Variants in BCAS3 observed in about 807,000 individuals in gnomAD.
BCAS3 encodes BCAS3 microtubule associated cell migration factor, also known as BCAS4/BCAS3 fusion.
BCAS3 carries 53 observed loss-of-function variants against 116.1 expected under a neutral mutation model. The ratio of observed to expected loss-of-function variants is 0.46; its 90% CI spans 0.37 to 0.57. The LOEUF is 0.57. Among genes scored for constraint, BCAS3 ranks in the 20% least tolerant of loss-of-function variants. The pLI is 0.00. For missense variants in BCAS3, 917 were observed against 1,165.4 expected, an observed-to-expected ratio of 0.79 and a Z score of 3.10; for synonymous variants, 391 against 408.2, an observed-to-expected ratio of 0.96 and a Z score of 0.51.
At position 61,241,778 on chromosome 17, in the gene BCAS3, C is replaced by G. The variant is rs2047546497; in HGVS notation, c.2426-126549C>G. Among the ~76,000 whole-genome samples the G allele has an allele frequency of 6.6e-6, 1 of 151,758 alleles. No individual in the cohort carries two copies. ...AAATGAGTCTAAAAAATGTACTTAC[C>G]TATTTTTTCTCTACTAACATCATTT... On this transcript the variant is annotated intron_variant, in intron 22 of 23. Transcript: ENST00000407086. The surrounding 1 kb of genome is among the most constrained non-coding windows in gnomAD (Gnocchi z 4.6).
At position 61,388,384 on chromosome 17, in the gene BCAS3, G is replaced by C. The variant is rs1056571809; in HGVS notation, c.2594-3593G>C. The stretch of plus-strand genomic sequence containing the variant: ...CCTCTCCCCCTCCCCCACTCTGAAC[G>C]GGGTCTTGGCCCCCTCTGTCACAGC... On this transcript the variant is annotated intron_variant, in intron 23 of 23. Coordinates refer to ENST00000407086, the MANE Select transcript of BCAS3 (RefSeq NM_017679.5). The surrounding 1 kb of genome is among the most constrained non-coding windows in gnomAD (Gnocchi z 6.5). The C allele has an allele frequency of 8.9e-6, 4 of 449,208 alleles. No homozygotes were observed. The allele number at this position is 449,208 out of a possible 1,614,324, so 27.8% of individuals were successfully genotyped here.
At chr17:61,143,391 A>C (rs1293505476) in intron 22 of BCAS3, among the ~76,000 whole-genome samples, 1 of 152,246 alleles carries the variant, frequency 6.6e-6, no homozygotes, top group East Asian at 1.9e-4. Flanking sequence ...AAAAATAATG[A>C]AATTTTTACT....
intron 3 of BCAS3, chr17:60,688,097 G>C (rs1386516971): frequency 6.6e-6 from 1 of 152,122 alleles, no homozygotes; most frequent in African/African-American, 2.4e-5. Context: ...CACGTTAAAG[G>C]AAAGGAAAGC....
In BCAS3 at chr17:61,279,207, A is replaced by G. The variant is rs903586187; in HGVS notation, c.2426-89120A>G. 6.6e-6 allele frequency among the ~76,000 whole-genome samples: 1 copy of G among 152,124 alleles called. No homozygotes were observed. Among genetic ancestry groups the G allele is most frequent in the Non-Finnish European group, 1.5e-5 (1 of 68,022 alleles). The stretch of plus-strand genomic sequence containing the variant: ...AGTGATCCGCCCACCTCGGCCTCCC[A>G]AAGTGTTGGGATTACAGGCATGAGC... On this transcript the variant is annotated intron_variant, in intron 22 of 23. Coordinates refer to ENST00000407086, the MANE Select transcript of BCAS3 (RefSeq NM_017679.5). This position sits in a 1 kb window ranked among gnomAD's most constrained non-coding sequence, Gnocchi z 4.4.
chr17:61,127,514 T>C (rs1348021962), intron 22 of BCAS3, among the ~76,000 whole-genome samples: 2 of 151,908 alleles, frequency 1.3e-5, no homozygotes, highest in Non-Finnish European at 2.9e-5. Flanking sequence ...TAAATTTAGA[T>C]TTAAAATAAT....
intron 13 of BCAS3, among the ~76,000 whole-genome samples, chr17:60,931,306 C>T (rs916787047): frequency 3.3e-5 from 5 of 151,984 alleles, no homozygotes; most frequent in African/African-American, 1.2e-4. Context: ...GATGGAACCT[C>T]GCTCTGTTGC....
Position 61,244,368 on chromosome 17 carries a change from T to G in BCAS3, c.2426-123959T>G, listed in dbSNP as rs1939514080. On this transcript the variant is annotated intron_variant, in intron 22 of 23. Coordinates refer to ENST00000407086, the MANE Select transcript of BCAS3 (RefSeq NM_017679.5). This position sits in a 1 kb window ranked among gnomAD's most constrained non-coding sequence, Gnocchi z 4.9. ...GTAATGAGTCTTACCTGTCCAGTAA[T>G]GAATGTGTTTTCCTTTGCTTTTTTA... 6.6e-6 allele frequency among the ~76,000 whole-genome samples: 1 copy of G among 152,198 alleles called. No homozygotes were observed.
chr17:61,183,559 G>A (rs1174978729), intron 22 of BCAS3, among the ~76,000 whole-genome samples: 1 of 152,138 alleles, frequency 6.6e-6, no homozygotes, highest in Non-Finnish European at 1.5e-5. Context: ...TAAGCATGGT[G>A]CTAAAGTGCT....
chr17:61,318,605 G>A (rs1602644108), intron 22 of BCAS3, among the ~76,000 whole-genome samples: 1 of 152,162 alleles, frequency 6.6e-6, no homozygotes, highest in African/African-American at 2.4e-5. Context: ...TATTTCCCGT[G>A]TTTCTCCCCA....
intron 6 of BCAS3, among the ~76,000 whole-genome samples, chr17:60,791,871 T>A (rs1213586142): frequency 6.6e-6 from 1 of 152,122 alleles, no homozygotes; most frequent in Non-Finnish European, 1.5e-5. Context: ...ACGCTTGTAA[T>A]CCCAGCACTT....
chr17:60,697,303 G>A (rs2035721472), intron 4 of BCAS3, among the ~76,000 whole-genome samples: 1 of 152,088 alleles, frequency 6.6e-6, no homozygotes, highest in Non-Finnish European at 1.5e-5. Context: ...GCTCATGCCT[G>A]TAATCCCAGT....
chr17:60,999,718 T>A (rs548541104), intron 15 of BCAS3, among the ~76,000 whole-genome samples: 40 of 152,294 alleles, frequency 2.6e-4, no homozygotes, highest in African/African-American at 9.4e-4. Flanking sequence ...AGGAATAGTA[T>A]TGAATCTTTA....
chr17:61,069,855 A>G (rs912390597), intron 19 of BCAS3: 27 of 830,608 alleles, frequency 3.3e-5, no homozygotes, highest in Non-Finnish European at 4.9e-5. Context: ...AAAAAAAAAA[A>G]GACCCTTTTC....
At chr17:61,149,507 AC>A (rs1199098911) in intron 22 of BCAS3, among the ~76,000 whole-genome samples, 1 of 152,170 alleles carries the variant, frequency 6.6e-6, no homozygotes, top group African/African-American at 2.4e-5. Flanking sequence ...TTTAATGGCA[AC>A]TTTGGTTCTT....
At chr17:61,336,740 G>A (rs2143179834) in intron 22 of BCAS3, among the ~76,000 whole-genome samples, 1 of 152,250 alleles carries the variant, frequency 6.6e-6, no homozygotes, top group Admixed American at 6.5e-5. Flanking sequence ...CTAGATTTGG[G>A]GGCATGAATG....
chr17:60,937,276 T>G (rs1272619158), intron 13 of BCAS3, among the ~76,000 whole-genome samples: 7 of 151,930 alleles, frequency 4.6e-5, no homozygotes, highest in Non-Finnish European at 8.8e-5. Context: ...GTTTTGAGTT[T>G]TTCTCTCTCT....
intron 22 of BCAS3, among the ~76,000 whole-genome samples, chr17:61,112,518 A>G (rs1253502096): frequency 1.4e-5 from 1 of 73,332 alleles, no homozygotes; most frequent in Admixed American, 1.5e-4. Flanking sequence ...AAAGGGATCA[A>G]TTCAACAAGA....
intron 7 of BCAS3, among the ~76,000 whole-genome samples, chr17:60,842,974 G>A (rs1055290966): frequency 1.3e-5 from 2 of 150,970 alleles, no homozygotes; most frequent in Non-Finnish European, 2.9e-5. Flanking sequence ...TGGGCTCAAC[G>A]TATCCTCTCT....
intron 7 of BCAS3, among the ~76,000 whole-genome samples, chr17:60,825,558 A>T (rs969430152): frequency 4.9e-5 from 7 of 142,514 alleles, no homozygotes; most frequent in African/African-American, 1.7e-4. Context: ...ATTTATAATA[A>T]TTTATAAATA....
Sources: gnomAD v4.1 joint callset for allele counts (sites outside exome capture counted in the v4.1 genomes callset) on GRCh38, gnomAD v4.1.1 for gene constraint, Gnocchi (gnomAD v3.1) non-coding constraint, MANE v1.5 for transcripts, NCBI Gene and HGNC (gene_info 2026-07-23, HGNC 2026-07-21) for gene names.